PDZD2: variants seen among roughly 807,000 people sequenced by gnomAD.
The protein encoded by PDZD2 is PDZ domain-containing protein 2.
A neutral mutation model predicts 220.7 loss-of-function variants in PDZD2; 90 were observed. The observed-to-expected ratio is 0.41, with a 90% CI of 0.34 to 0.49. The LOEUF (loss-of-function observed/expected upper bound fraction) is 0.49. Among genes scored for constraint, PDZD2 ranks in the 20% least tolerant of loss-of-function variants. The pLI is 0.28. For synonymous variants in PDZD2, 1,375 were observed against 1,450.5 expected (o/e 0.95, Z 1.18); for missense variants, 3,174 against 3,608.5 (o/e 0.88, Z 3.08).
chr5:31,988,705 C>G (rs1479007517), intron 3 of PDZD2, among the ~76,000 whole-genome samples: 2 of 152,206 alleles, frequency 1.3e-5, no homozygotes, highest in African/African-American at 4.8e-5. Context: ...TCCCTGATAT[C>G]CAGTTTCTTA....
intron 2 of PDZD2, among the ~76,000 whole-genome samples, chr5:31,977,745 G>A (rs527402633): frequency 2.8e-4 from 42 of 152,356 alleles, no homozygotes; most frequent in African/African-American, 1.0e-3. Context: ...GGCTGAGGCG[G>A]GCGGATCACT....
At chr5:31,647,239 A>T (rs191391390) in intron 1 of PDZD2, among the ~76,000 whole-genome samples, 210 of 152,288 alleles carry the variant, frequency 1.4e-3, no homozygotes, top group African/African-American at 4.8e-3. Flanking sequence ...AATTAAAATT[A>T]TTTGAATGTT....
At chr5:31,809,529 G>A (rs1002381654) in intron 2 of PDZD2, among the ~76,000 whole-genome samples, 3 of 152,122 alleles carry the variant, frequency 2.0e-5, no homozygotes, top group African/African-American at 7.2e-5. Flanking sequence ...TGAGAAATCC[G>A]CCTGTGCTCA....
In PDZD2 at chr5:32,098,285, G is replaced by A. The variant is rs754620079; in HGVS notation, c.7948-79G>A. ...AGGAAGGTTCCTTTACTACAGATAC[G>A]CAGTTAGTTACTATCTCCCTTTTAC... On this transcript the variant is annotated intron_variant, in intron 22 of 24. Transcript: ENST00000438447. This position sits in a 1 kb window ranked among gnomAD's most constrained non-coding sequence, Gnocchi z 4.1. 58 of 1,352,476 alleles carry A rather than the reference G, an allele frequency of 4.3e-5. No individual in the cohort carries two copies. The highest frequency in any genetic ancestry group is 5.7e-5 in the Non-Finnish European group (55 of 969,728). 83.8% of individuals were successfully genotyped at this position (1,352,476 alleles called of 1,614,324 possible).
At chr5:31,798,574 C>T (rs1406591637) in intron 1 of PDZD2, among the ~76,000 whole-genome samples, 2 of 152,166 alleles carry the variant, frequency 1.3e-5, no homozygotes, top group Non-Finnish European at 2.9e-5. Flanking sequence ...TCTTGTCACA[C>T]AGCCTCCTGG....
intron 2 of PDZD2, among the ~76,000 whole-genome samples, chr5:31,942,593 G>A (rs536060224): frequency 3.3e-5 from 5 of 152,306 alleles, no homozygotes; most frequent in African/African-American, 1.2e-4. Context: ...CCTCAGCTTC[G>A]CAATGTACTG....
chr5:31,988,983 C>G (rs945146212), intron 3 of PDZD2, among the ~76,000 whole-genome samples: 1 of 152,164 alleles, frequency 6.6e-6, no homozygotes, highest in Non-Finnish European at 1.5e-5. Flanking sequence ...TGCCCGAGCC[C>G]GACGTATTCC....
At chr5:31,939,253 C>T (rs1388840513) in intron 2 of PDZD2, among the ~76,000 whole-genome samples, 1 of 152,090 alleles carries the variant, frequency 6.6e-6, no homozygotes, top group Non-Finnish European at 1.5e-5. Flanking sequence ...AAGGGGTTGG[C>T]TCTGAATTTA....
intron 2 of PDZD2, among the ~76,000 whole-genome samples, chr5:31,970,240 C>A (rs975704154): frequency 2.0e-5 from 3 of 152,118 alleles, no homozygotes; most frequent in Admixed American, 2.0e-4. Context: ...ATTCTCAAGA[C>A]AAATGACTAC....
chr5:31,949,668 CT>C (rs5867121), intron 2 of PDZD2, among the ~76,000 whole-genome samples: 60,824 of 127,834 alleles, frequency 0.48, 14,593 homozygotes, highest in East Asian at 0.75. Flanking sequence ...CCATTTTTAG[CT>C]TTTTTTTTTT....
In PDZD2 at chr5:32,108,001, G is replaced by A; in HGVS notation, c.8386G>A (p.Ala2796Thr). Residue 2796 changes from alanine (A) to threonine (T), a missense_variant, in exon 25 of 25, where the codon GCT becomes ACT. Transcript: ENST00000438447. ...GAAEQAGIIEAGDEILAINGK... is the reference protein window; with the variant it reads ...GAAEQAGIIETGDEILAINGK... The stretch of plus-strand genomic sequence containing the variant: ...GGCTGAACAAGCTGGAATAATAGAA[G>A]CTGGAGATGAAATTCTTGCTATTAA... 1 of 1,613,158 alleles carries A rather than the reference G, an allele frequency of 6.2e-7. No homozygotes were observed. The highest frequency in any genetic ancestry group is 1.3e-5 in the African/African-American group (1 of 75,006).
chr5:31,760,065 G>A (rs1751539767), intron 1 of PDZD2, among the ~76,000 whole-genome samples: 1 of 152,210 alleles, frequency 6.6e-6, no homozygotes, highest in Admixed American at 6.5e-5. Flanking sequence ...GCAGATGGGA[G>A]GAGGAGTGGG....
At chr5:31,820,970 C>T (rs1490276035) in intron 2 of PDZD2, among the ~76,000 whole-genome samples, 4 of 151,140 alleles carry the variant, frequency 2.6e-5, no homozygotes, top group Non-Finnish European at 5.9e-5. Context: ...TATTCATGTC[C>T]TTTGTCCATT....
rs750614682 is a variant in PDZD2, at chr5:32,090,278, T to A, written c.6830T>A (p.Ile2277Lys). 1 of 1,613,952 alleles carries A rather than the reference T, an allele frequency of 6.2e-7. No individual in the cohort carries two copies. The highest frequency in any genetic ancestry group is 8.5e-7 in the Non-Finnish European group (1 of 1,179,978). The change falls in exon 20 of 25, where the codon ATA becomes AAA. Residue 2277 changes from isoleucine (I) to lysine (K), a missense_variant. Physicochemically the swap from Ile to Lys is moderately radical, Grantham distance 102. This residue lies in a region of PDZD2 where 631 missense variants were observed against 789.9 expected (regional missense o/e 0.80). Transcript: ENST00000438447. This position sits in a 1 kb window ranked among gnomAD's most constrained non-coding sequence, Gnocchi z 4.3. Reference sequence around the variant, plus strand: ...CCCAGCCTGGCTAATGGACAGGGCATATATAGTGTAAAGCCGCTGCTGGAC... The same window carrying A: ...CCCAGCCTGGCTAATGGACAGGGCAAATATAGTGTAAAGCCGCTGCTGGAC... Reference protein sequence around the residue: ...GLPSLANGQGIYSVKPLLDTS... With the variant: ...GLPSLANGQGKYSVKPLLDTS...
chr5:31,806,332 T>C (rs1180058127), intron 2 of PDZD2, among the ~76,000 whole-genome samples: 1 of 152,172 alleles, frequency 6.6e-6, no homozygotes, highest in Non-Finnish European at 1.5e-5. Flanking sequence ...AACAAAAAAT[T>C]CAAGGCCATG....
chr5:31,748,975 C>A (rs1358386360), intron 1 of PDZD2, among the ~76,000 whole-genome samples: 1 of 152,162 alleles, frequency 6.6e-6, no homozygotes, highest in African/African-American at 2.4e-5. Flanking sequence ...CCTGGAGTAG[C>A]ACTGGAATAA....
At chr5:31,901,662 GT>G (rs1472587571) in intron 2 of PDZD2, among the ~76,000 whole-genome samples, 1 of 152,112 alleles carries the variant, frequency 6.6e-6, no homozygotes, top group Non-Finnish European at 1.5e-5. Flanking sequence ...ACAATAAATA[GT>G]TTTTAAGTAA....
chr5:32,108,841 T>TATC lies in PDZD2; in HGVS notation c.*707_*709dup, dbSNP rs1429193585. ...TCACCATGAAGTATTGATCATTTTC[T>TATC]ATCTCAAAAGTGTAAGCCATAAGGC... On this transcript the variant is annotated 3_prime_UTR_variant, in exon 25 of 25. Transcript: ENST00000438447. 2.0e-5 allele frequency: 3 copies of TATC among 152,828 alleles called. No individual in the cohort carries two copies. Among genetic ancestry groups the TATC allele is most frequent in the Non-Finnish European group, 4.4e-5 (3 of 68,038 alleles). 9.5% of individuals were successfully genotyped at this position (152,828 alleles called of 1,614,324 possible).
At chr5:31,849,887 TACACA>T (rs1757826783) in intron 2 of PDZD2, among the ~76,000 whole-genome samples, 1 of 42,382 alleles carries the variant, frequency 2.4e-5, no homozygotes, top group African/African-American at 1.8e-4. Flanking sequence ...TATATATATA[TACACA>T]TATATATATA....
Sources: allele counts gnomAD v4.1 joint callset (sites outside exome capture counted in the v4.1 genomes callset), GRCh38; gene constraint gnomAD v4.1.1; regional missense constraint gnomAD v4.1.1; non-coding constraint Gnocchi (gnomAD v3.1); transcripts MANE v1.5; gene names NCBI Gene and HGNC (gene_info 2026-07-23, HGNC 2026-07-21).